MS4A4E: variants seen among roughly 807,000 people sequenced by gnomAD.
MS4A4E encodes the protein putative membrane-spanning 4-domains subfamily A member 4E.
Under a neutral mutation model 13.3 loss-of-function variants are expected in MS4A4E, and 23 were observed. The ratio of observed to expected loss-of-function variants is 1.73; its 90% confidence interval spans 1.25 to 2.45. The LOEUF is 2.45. MS4A4E is among the 30% of genes most tolerant of loss of function. The pLI is 0.00. For synonymous variants in MS4A4E, 36 were observed against 45.6 expected, an observed-to-expected ratio of 0.79 and a Z score of 0.85; for missense variants, 144 against 131.2, an observed-to-expected ratio of 1.10 and a Z score of -0.48.
intron 3 of MS4A4E, among the ~76,000 whole-genome samples, chr11:60,218,747 G>A (rs1316439060): frequency 6.6e-6 from 1 of 152,168 alleles, no homozygotes; most frequent in Non-Finnish European, 1.5e-5. Context: ...GTGAGGTTCA[G>A]AATGCGATAC....
intron 3 of MS4A4E, 75 bp downstream of exon 3, chr11:60,228,519 A>G: frequency 1.6e-6 from 1 of 623,378 alleles, no homozygotes; most frequent in Non-Finnish European, 2.9e-6. Flanking sequence ...ATTGCAAAGT[A>G]ACAGGGAAGA....
intron 3 of MS4A4E, among the ~76,000 whole-genome samples, chr11:60,226,396 G>A (rs1013843295): frequency 2.0e-5 from 3 of 151,750 alleles, no homozygotes; most frequent in East Asian, 1.9e-4. Flanking sequence ...AACAAAACAT[G>A]TGCAAACTAA....
At chr11:60,218,432 A>G (rs1022153917) in intron 3 of MS4A4E, among the ~76,000 whole-genome samples, 4 of 152,222 alleles carry the variant, frequency 2.6e-5, no homozygotes, top group African/African-American at 7.2e-5. Flanking sequence ...ACTCCTTAAT[A>G]AAAACTTACT....
intron 1 of MS4A4E, among the ~76,000 whole-genome samples, chr11:60,241,569 G>A (rs887641166): frequency 6.6e-6 from 1 of 152,060 alleles, no homozygotes; most frequent in Non-Finnish European, 1.5e-5. Flanking sequence ...GTCATTCAAG[G>A]CTGGTGCTCT....
intron 5 of MS4A4E, among the ~76,000 whole-genome samples, chr11:60,210,551 G>A (rs568006554): frequency 3.3e-5 from 5 of 152,290 alleles, no homozygotes; most frequent in East Asian, 3.9e-4. Flanking sequence ...TAATGATTCC[G>A]GGTGGTAGAC....
At chr11:60,236,499 A>G (rs1223396784) in intron 1 of MS4A4E, among the ~76,000 whole-genome samples, 1 of 152,002 alleles carries the variant, frequency 6.6e-6, no homozygotes, top group East Asian at 1.9e-4. Flanking sequence ...TATTCGATGT[A>G]CAAGTCTTGT....
Position 60,203,363 on chromosome 11 carries a change from T to C in MS4A4E, c.660-1484A>G, listed in dbSNP as rs1034860021. On this transcript the variant is annotated intron_variant, in intron 8 of 8. Coordinates refer to ENST00000651255, the MANE Select transcript of MS4A4E (RefSeq NM_001393391.1). Reference sequence around the variant, plus strand: ...GTAAGAGCCTATAAGGTAGGTACTATTGTAATTTTTATAGATGAGGAAACT... The same window carrying C: ...GTAAGAGCCTATAAGGTAGGTACTACTGTAATTTTTATAGATGAGGAAACT... 1.3e-5 allele frequency among the ~76,000 whole-genome samples: 2 copies of C among 152,188 alleles called. 1 individual carries two copies. Among genetic ancestry groups the C allele is most frequent in the South Asian group, 4.1e-4 (2 of 4,830 alleles).
chr11:60,209,794 A>G (rs565391588), intron 5 of MS4A4E, among the ~76,000 whole-genome samples: 28 of 152,282 alleles, frequency 1.8e-4, no homozygotes, highest in Admixed American at 1.4e-3. Context: ...TTTTCTCTCC[A>G]TGGTTAGGGA....
chr11:60,240,878 C>T (rs1439894640), intron 1 of MS4A4E, among the ~76,000 whole-genome samples: 1 of 152,166 alleles, frequency 6.6e-6, no homozygotes, highest in Admixed American at 6.5e-5. Context: ...GATTACTCAA[C>T]CTCTAGTGGT....
At chr11:60,242,730 C>G (rs1042697945) in intron 1 of MS4A4E, among the ~76,000 whole-genome samples, 1 of 152,156 alleles carries the variant, frequency 6.6e-6, no homozygotes, top group Non-Finnish European at 1.5e-5. Context: ...CTTTAGGAGG[C>G]TTTTCTAACT....
intron 3 of MS4A4E, chr11:60,225,154 C>A (rs905339805): frequency 7.2e-7 from 1 of 1,391,086 alleles, no homozygotes. Context: ...ATGCCACTCC[C>A]TTTCCAATCA....
At chr11:60,241,569 G>T (rs887641166) in intron 1 of MS4A4E, among the ~76,000 whole-genome samples, 1 of 152,060 alleles carries the variant, frequency 6.6e-6, no homozygotes, top group Non-Finnish European at 1.5e-5. Context: ...GTCATTCAAG[G>T]CTGGTGCTCT....
At chr11:60,217,890 C>T (rs535471753) in intron 3 of MS4A4E, among the ~76,000 whole-genome samples, 1 of 152,166 alleles carries the variant, frequency 6.6e-6, no homozygotes, top group East Asian at 1.9e-4. Context: ...ATCTGGGCAC[C>T]TTGAAAAAAG....
intron 5 of MS4A4E, among the ~76,000 whole-genome samples, chr11:60,212,589 G>T (rs1235534615): frequency 6.6e-6 from 1 of 152,188 alleles, no homozygotes; most frequent in East Asian, 1.9e-4. Context: ...GATTACAGGC[G>T]TGAGCCACCG....
At position 60,225,153 on chromosome 11, in the gene MS4A4E, C is replaced by A; in HGVS notation, c.178+3441G>T. On this transcript the variant is annotated intron_variant, in intron 3 of 8. Coordinates refer to ENST00000651255, the MANE Select transcript of MS4A4E (RefSeq NM_001393391.1). ...CACAAAAATGGTGCTTATGCCACTC[C>A]CTTTCCAATCACTAAGCTATCCTTA... is the stretch of plus-strand genomic sequence containing the variant. 2.2e-6 allele frequency: 3 copies of A among 1,390,804 alleles called. No homozygotes were observed. The East Asian group carries it at 7.5e-5, about 35-fold the overall frequency. 86.2% of individuals were successfully genotyped at this position (1,390,804 alleles called of 1,614,324 possible).
intron 3 of MS4A4E, among the ~76,000 whole-genome samples, chr11:60,226,096 C>G (rs925480821): frequency 6.6e-6 from 1 of 151,250 alleles, no homozygotes; most frequent in Non-Finnish European, 1.5e-5. Context: ...AAAATTCACA[C>G]AAGAAGAAAT....
In MS4A4E at chr11:60,228,595, C is replaced by T. The variant is rs780526775; in HGVS notation, c.177G>A (p.Ser59=). ...ATACAATATAGTAATCATACTTACC[C>T]GAATGAGTTGAAAACTTATGTCCAC... The part of the protein sequence containing the change: ...VLCGHKFSTH[S]VSLSVAAGIR... Residue 59 remains serine (S), a splice_region_variant and synonymous_variant, in exon 3 of 9, where the codon TCG becomes TCA. Coordinates refer to ENST00000651255, the MANE Select transcript of MS4A4E (RefSeq NM_001393391.1). 1.3e-5 allele frequency: 9 copies of T among 697,820 alleles called. No homozygotes were observed. The highest frequency in any genetic ancestry group is 2.3e-4 in the Middle Eastern group (1 of 4,364). The allele number at this position is 697,820 out of a possible 1,614,324, so 43.2% of individuals were successfully genotyped here. A position where few individuals can be genotyped will look rare whatever the true frequency, so the allele number is the denominator to read the frequency against.
chr11:60,229,001 A>G (rs997325144), intron 2 of MS4A4E, among the ~76,000 whole-genome samples: 1 of 152,212 alleles, frequency 6.6e-6, no homozygotes, highest in Admixed American at 6.5e-5. Context: ...AGAACACACA[A>G]CACAGAGAAT....
chr11:60,214,198 G>A (rs550107282), intron 4 of MS4A4E, among the ~76,000 whole-genome samples: 11 of 152,122 alleles, frequency 7.2e-5, no homozygotes, highest in South Asian at 6.2e-4. Flanking sequence ...GAGCCACCGC[G>A]CCCGGCCAGA....
Sources: gnomAD v4.1 joint callset for allele counts (sites outside exome capture counted in the v4.1 genomes callset) on GRCh38, gnomAD v4.1.1 for gene constraint, MANE v1.5 for transcripts, NCBI Gene and HGNC (gene_info 2026-07-23, HGNC 2026-07-21) for gene names.